The following PTPRD variants were observed in gnomAD, a reference collection of about 807,000 sequenced individuals.
The protein encoded by PTPRD is receptor-type tyrosine-protein phosphatase delta.
A neutral mutation model predicts 214.5 loss-of-function variants in PTPRD; 34 were observed. That is an observed-to-expected ratio of 0.16 (90% CI 0.12 to 0.21). The LOEUF (loss-of-function observed/expected upper bound fraction) is 0.21, where lower values mean the gene tolerates loss of function less well. Ranked by LOEUF, PTPRD falls within the 10% of genes least tolerant of loss-of-function variation. The pLI is 1.00. For synonymous variants in PTPRD, 1,128 were observed against 845.7 expected (o/e 1.33, Z -5.79); for missense variants, 2,545 against 2,398.7 (o/e 1.06, Z -1.27).
At chr9:10,138,539 G>C (rs2098958970) in intron 3 of PTPRD, among the ~76,000 whole-genome samples, 1 of 152,004 alleles carries the variant, frequency 6.6e-6, no homozygotes, top group South Asian at 2.1e-4. Context: ...AAAATCAAGG[G>C]AGGATGCACT....
At chr9:8,727,421 C>A (rs1216931518) in intron 12 of PTPRD, among the ~76,000 whole-genome samples, 1 of 152,142 alleles carries the variant, frequency 6.6e-6, no homozygotes, top group Admixed American at 6.5e-5. Context: ...CAGCTGGATG[C>A]TGCTAATTTA....
At chr9:9,275,578 G>C (rs989261714) in intron 9 of PTPRD, among the ~76,000 whole-genome samples, 2 of 151,264 alleles carry the variant, frequency 1.3e-5, no homozygotes, top group East Asian at 4.0e-4. Context: ...TATGCTTTCT[G>C]CTTAGGTTGG....
chr9:9,551,546 C>T (rs575573473), intron 8 of PTPRD, among the ~76,000 whole-genome samples: 27 of 151,990 alleles, frequency 1.8e-4, no homozygotes, highest in African/African-American at 6.5e-4. Context: ...GACACAGGTT[C>T]GCATAAAGCT....
At chr9:10,517,710 G>A (rs2050614054) in intron 2 of PTPRD, among the ~76,000 whole-genome samples, 1 of 151,976 alleles carries the variant, frequency 6.6e-6, no homozygotes, top group African/African-American at 2.4e-5. Flanking sequence ...TGCAGTTACT[G>A]GTGAGAGTAC....
chr9:10,053,464 ATGTAT>A (rs1234196781), intron 3 of PTPRD, among the ~76,000 whole-genome samples: 2 of 152,148 alleles, frequency 1.3e-5, no homozygotes, highest in African/African-American at 2.4e-5. Flanking sequence ...GTGAAATGTG[ATGTAT>A]TGTAACTACA....
In PTPRD at chr9:9,672,574, A is replaced by G. The variant is rs144449766; in HGVS notation, c.-287+61959T>C. Among the ~76,000 whole-genome samples, 801 of 152,254 alleles carry G rather than the reference A, an allele frequency of 5.3e-3. 6 individuals are homozygous for G. Among genetic ancestry groups the G allele is most frequent in the African/African-American group, 0.018 (760 of 41,564 alleles). On this transcript the variant is annotated intron_variant, in intron 7 of 45. Transcript: ENST00000381196. The stretch of plus-strand genomic sequence containing the variant: ...GGAATTCCCAACCAATTTAACCTTA[A>G]AGCTCATGATCTGAACATTTGTACT...
chr9:8,909,841 G>C (rs866575042), intron 11 of PTPRD, among the ~76,000 whole-genome samples: 1 of 142,772 alleles, frequency 7.0e-6, no homozygotes, highest in South Asian at 2.2e-4. Flanking sequence ...ACAGGAAAGG[G>C]AGATGGAGAG....
intron 8 of PTPRD, among the ~76,000 whole-genome samples, chr9:9,431,077 T>C (rs1030084635): frequency 2.6e-5 from 4 of 152,084 alleles, no homozygotes; most frequent in Non-Finnish European, 5.9e-5. Context: ...CTAAAGAACC[T>C]CTGCACAGCA....
intron 3 of PTPRD, among the ~76,000 whole-genome samples, chr9:10,306,509 G>A (rs1596603992): frequency 6.6e-6 from 1 of 151,978 alleles, no homozygotes; most frequent in Non-Finnish European, 1.5e-5. Flanking sequence ...TCACCACACA[G>A]AGCAAAGTTT....
chr9:10,584,595 T>G (rs1419220902), intron 2 of PTPRD, among the ~76,000 whole-genome samples: 1 of 152,168 alleles, frequency 6.6e-6, no homozygotes, highest in African/African-American at 2.4e-5. Context: ...CTTCCAGCTC[T>G]TGTAAAGGAT....
chr9:9,868,243 C>A (rs998010792), intron 5 of PTPRD, among the ~76,000 whole-genome samples: 5 of 152,036 alleles, frequency 3.3e-5, no homozygotes, highest in Non-Finnish European at 7.4e-5. Flanking sequence ...CAAAACAAAC[C>A]TCTAATGTGA....
chr9:8,948,464 TTTAC>T (rs1227887955), intron 11 of PTPRD, among the ~76,000 whole-genome samples: 2,334 of 12,640 alleles, frequency 0.18, 658 homozygotes, highest in Non-Finnish European at 0.31. Context: ...TATATATATA[TTTAC>T]ATATATATAT....
intron 5 of PTPRD, among the ~76,000 whole-genome samples, chr9:9,804,781 G>T (rs1257368365): frequency 6.6e-6 from 1 of 151,556 alleles, no homozygotes; most frequent in South Asian, 2.1e-4. Flanking sequence ...TATATAAAAT[G>T]TTTGATTATA....
intron 8 of PTPRD, among the ~76,000 whole-genome samples, chr9:9,526,997 C>T (rs1277873669): frequency 6.6e-6 from 1 of 152,046 alleles, no homozygotes; most frequent in African/African-American, 2.4e-5. Flanking sequence ...AGTTTAACAT[C>T]TCCTTATTAT....
At chr9:10,454,385 C>A (rs984339574) in intron 2 of PTPRD, among the ~76,000 whole-genome samples, 2 of 151,356 alleles carry the variant, frequency 1.3e-5, no homozygotes, top group Admixed American at 6.6e-5. Context: ...TCTCCAGGAT[C>A]CTTGAGCCAA....
At chr9:10,266,536 C>T (rs189973629) in intron 3 of PTPRD, among the ~76,000 whole-genome samples, 1 of 152,122 alleles carries the variant, frequency 6.6e-6, no homozygotes, top group African/African-American at 2.4e-5. Context: ...TGAAAGAAAT[C>T]CGGTTAATGT....
chr9:8,867,038 T>A (rs1471420416), intron 11 of PTPRD, among the ~76,000 whole-genome samples: 1 of 152,176 alleles, frequency 6.6e-6, no homozygotes, highest in Non-Finnish European at 1.5e-5. Context: ...GCCTCTTTAT[T>A]TAATCACATC....
At chr9:10,439,569 T>C (rs112882903) in intron 2 of PTPRD, among the ~76,000 whole-genome samples, 167 of 151,794 alleles carry the variant, frequency 1.1e-3, no homozygotes, top group African/African-American at 3.9e-3. Context: ...GTTTCACTAT[T>C]AAGTCAGGCA....
intron 7 of PTPRD, among the ~76,000 whole-genome samples, chr9:9,616,111 T>TA (rs2094843558): frequency 1.3e-5 from 2 of 152,196 alleles, no homozygotes; most frequent in Admixed American, 1.3e-4. Context: ...GCCAAATTGA[T>TA]ACGGTAATAT....
Sources: allele counts gnomAD v4.1 joint callset (sites outside exome capture counted in the v4.1 genomes callset), GRCh38; gene constraint gnomAD v4.1.1; transcripts MANE v1.5; gene names NCBI Gene and HGNC (gene_info 2026-07-23, HGNC 2026-07-21).